Variants in SLC5A4 observed in about 807,000 individuals in gnomAD.
SLC5A4 encodes solute carrier family 5 member 4, also known as probable glucose sensor protein SLC5A4.
Under a neutral mutation model 70.3 loss-of-function variants are expected in SLC5A4, and 55 were observed. The ratio of observed to expected loss-of-function variants is 0.78; its 90% CI spans 0.63 to 0.98. The LOEUF (loss-of-function observed/expected upper bound fraction) is 0.98. Ranked by LOEUF, SLC5A4 falls within the 50% of genes least tolerant of loss-of-function variation. The pLI, the probability that SLC5A4 is intolerant of heterozygous loss-of-function variation, is 0.00. For synonymous variants in SLC5A4, 268 were observed against 305.7 expected, an observed-to-expected ratio of 0.88 and a Z score of 1.29; for missense variants, 735 against 839.2, an observed-to-expected ratio of 0.88 and a Z score of 1.53.
At chr22:32,312,050 T>A in the SLC5A4 span, among the ~76,000 whole-genome samples, 2 of 151,912 alleles carry the variant, frequency 1.3e-5, no homozygotes, top group South Asian at 4.1e-4. Flanking sequence ...TCCCACGTGG[T>A]GAGAGGGAGA....
chr22:32,234,470 G>A (rs538757204), intron 8 of SLC5A4, among the ~76,000 whole-genome samples: 11 of 152,232 alleles, frequency 7.2e-5, no homozygotes, highest in East Asian at 5.8e-4. Flanking sequence ...AGGCCGAGGC[G>A]GGCAGATCAC....
At chr22:32,222,588 T>C (rs1466888241) in intron 13 of SLC5A4, among the ~76,000 whole-genome samples, 1 of 152,210 alleles carries the variant, frequency 6.6e-6, no homozygotes, top group Non-Finnish European at 1.5e-5. Context: ...GAATTTAACA[T>C]ATATATATTT....
the SLC5A4 span, among the ~76,000 whole-genome samples, chr22:32,328,471 T>C: frequency 6.6e-6 from 1 of 152,186 alleles, no homozygotes; most frequent in Non-Finnish European, 1.5e-5. Context: ...CAGAGCCCTC[T>C]TTTTGGGTGG....
chr22:32,346,060 T>C, the SLC5A4 span, among the ~76,000 whole-genome samples: 2 of 152,024 alleles, frequency 1.3e-5, no homozygotes, highest in Admixed American at 6.6e-5. Flanking sequence ...CTGCTAGAGG[T>C]AGAAATTTAA....
chr22:32,224,247 A>C lies in SLC5A4; in HGVS notation c.1665+20T>G. Reference sequence around the variant, plus strand: ...GAACTCTTATTTAAAATTAGCATGTATTCATTACTCATCACTCACATGTAC... The same window carrying C: ...GAACTCTTATTTAAAATTAGCATGTCTTCATTACTCATCACTCACATGTAC... On this transcript the variant is annotated intron_variant, in intron 13 of 14. Coordinates refer to ENST00000266086, the MANE Select transcript of SLC5A4 (RefSeq NM_014227.3). 2,325 of 1,219,258 alleles carry C rather than the reference A, an allele frequency of 1.9e-3. No homozygotes were observed. Among genetic ancestry groups the C allele is most frequent in the Non-Finnish European group, 2.6e-3 (2,097 of 820,816 alleles). 75.5% of individuals were successfully genotyped at this position (1,219,258 alleles called of 1,614,324 possible). A position where few individuals can be genotyped will look rare whatever the true frequency, so the allele number is the denominator to read the frequency against.
At chr22:32,300,010 G>A in the SLC5A4 span, among the ~76,000 whole-genome samples, 6 of 134,616 alleles carry the variant, frequency 4.5e-5, no homozygotes, top group Non-Finnish European at 3.3e-5. Context: ...CAGTCTGCCC[G>A]TTCTCAGATC....
intron 5 of SLC5A4, among the ~76,000 whole-genome samples, chr22:32,239,575 TA>T (rs1388769685): frequency 1.1e-4 from 3 of 27,390 alleles, no homozygotes; most frequent in South Asian, 7.7e-4. Context: ...TATATTTATA[TA>T]TATATTTATA....
chr22:32,352,483 T>G, the SLC5A4 span, among the ~76,000 whole-genome samples: 1 of 151,500 alleles, frequency 6.6e-6, no homozygotes, highest in Non-Finnish European at 1.5e-5. Context: ...CCCCCAAACT[T>G]CTGTTAATAA....
chr22:32,328,253 C>G, the SLC5A4 span, among the ~76,000 whole-genome samples: 3 of 152,162 alleles, frequency 2.0e-5, no homozygotes, highest in African/African-American at 7.2e-5. Context: ...CTGTGGTATG[C>G]AGCCCTAAGA....
At chr22:32,324,853 T>A in the SLC5A4 span, among the ~76,000 whole-genome samples, 1 of 152,204 alleles carries the variant, frequency 6.6e-6, no homozygotes, top group Non-Finnish European at 1.5e-5. Context: ...CAGCCCACAG[T>A]AGCCCCGGGA....
the SLC5A4 span, among the ~76,000 whole-genome samples, chr22:32,332,353 G>A: frequency 5.9e-5 from 9 of 152,200 alleles, 1 homozygote; most frequent in Non-Finnish European, 1.2e-4. Context: ...ATGGATGTGC[G>A]GCTGTCTCTG....
chr22:32,255,455 A>T, upstream of SLC5A4: 2 of 1,013,952 alleles, frequency 2.0e-6, no homozygotes, highest in East Asian at 4.8e-5. Context: ...AGACCTTTAA[A>T]CCTCTTCTCC....
chr22:32,336,018 G>A, the SLC5A4 span, among the ~76,000 whole-genome samples: 1 of 152,158 alleles, frequency 6.6e-6, no homozygotes, highest in Non-Finnish European at 1.5e-5. Flanking sequence ...TAAGACCAGG[G>A]GTGAAATAGT....
chr22:32,257,654 G>A (rs1457057117), upstream of SLC5A4, among the ~76,000 whole-genome samples: 1 of 115,624 alleles, frequency 8.6e-6, no homozygotes, highest in Non-Finnish European at 1.7e-5. Context: ...ACCCAGCAAG[G>A]TTTTCTTTTT....
the SLC5A4 span, among the ~76,000 whole-genome samples, chr22:32,308,862 G>A: frequency 6.6e-6 from 1 of 152,118 alleles, no homozygotes; most frequent in Non-Finnish European, 1.5e-5. Context: ...ATGCATGTGT[G>A]CATGTATGTA....
chr22:32,307,716 G>A, the SLC5A4 span, among the ~76,000 whole-genome samples: 3 of 152,202 alleles, frequency 2.0e-5, no homozygotes, highest in Non-Finnish European at 4.4e-5. Context: ...ACTGTGCCTG[G>A]CATCTGGTAC....
the SLC5A4 span, among the ~76,000 whole-genome samples, chr22:32,345,729 TCCC>T: frequency 6.6e-6 from 1 of 151,778 alleles, no homozygotes; most frequent in Admixed American, 6.6e-5. Context: ...ACAGAAAAGG[TCCC>T]CCCAACTAGT....
chr22:32,294,815 T>TC, the SLC5A4 span, among the ~76,000 whole-genome samples: 1 of 56,648 alleles, frequency 1.8e-5, no homozygotes, highest in Non-Finnish European at 3.5e-5. Context: ...CCCTCCCCCC[T>TC]CCCCCAACCC....
chr22:32,308,100 C>G, the SLC5A4 span, among the ~76,000 whole-genome samples: 1 of 152,170 alleles, frequency 6.6e-6, no homozygotes, highest in African/African-American at 2.4e-5. Flanking sequence ...TAGAGTCACT[C>G]TGTCACCCAG....
Sources: allele counts gnomAD v4.1 joint callset (sites outside exome capture counted in the v4.1 genomes callset), GRCh38; gene constraint gnomAD v4.1.1; transcripts MANE v1.5; gene names NCBI Gene and HGNC (gene_info 2026-07-23, HGNC 2026-07-21).